Variants in ANKRD40 observed in about 807,000 individuals in gnomAD.
ANKRD40 encodes the protein ankyrin repeat domain-containing protein 40.
Under a neutral mutation model 35.5 loss-of-function variants are expected in ANKRD40, and 24 were observed. The ratio of observed to expected loss-of-function variants is 0.68; its 90% confidence interval spans 0.49 to 0.95. ANKRD40 has a LOEUF of 0.95. Ranked by LOEUF, ANKRD40 falls within the 40% of genes least tolerant of loss-of-function variation. The pLI, the probability that ANKRD40 is intolerant of heterozygous loss-of-function variation, is 0.00. For missense variants in ANKRD40, 361 were observed against 436.0 expected (o/e 0.83, Z 1.53); for synonymous variants, 147 against 173.5 (o/e 0.85, Z 1.20).
chr17:50,700,575 A>G lies in ANKRD40; in HGVS notation c.276T>C (p.Ile92=). 1 of 1,614,004 alleles carries G rather than the reference A, an allele frequency of 6.2e-7. No individual in the cohort carries two copies. Residue 92 remains isoleucine (I), a synonymous_variant, in exon 2 of 5, where the codon ATT becomes ATC. Coordinates refer to ENST00000285243, the MANE Select transcript of ANKRD40 (RefSeq NM_052855.4). ...QLTSRREIRK[I]MGVEEEDDDD... Reference sequence around the variant, plus strand: ...CCCCAAACACAGACTCACCTCCCATAATCTTCCTGATTTCTCTCCTTGATG... The same window carrying G: ...CCCCAAACACAGACTCACCTCCCATGATCTTCCTGATTTCTCTCCTTGATG...
intron 4 of ANKRD40, chr17:50,696,574 C>T (rs926299050): frequency 1.8e-5 from 4 of 218,366 alleles, no homozygotes; most frequent in South Asian, 1.3e-4. Context: ...CTACAGAAAC[C>T]GAAAATAGGA....
chr17:50,706,734 CAA>C (rs756189222), intron 1 of ANKRD40, among the ~76,000 whole-genome samples: 13 of 93,620 alleles, frequency 1.4e-4, no homozygotes, highest in Admixed American at 2.2e-4. Context: ...CCAAAAATAC[CAA>C]AAAAAAAAAA....
chr17:50,701,996 G>C (rs1968278087), intron 1 of ANKRD40, among the ~76,000 whole-genome samples: 1 of 152,194 alleles, frequency 6.6e-6, no homozygotes, highest in African/African-American at 2.4e-5. Flanking sequence ...ATGATGCAAT[G>C]ACAAAATTAT....
intron 3 of ANKRD40, among the ~76,000 whole-genome samples, chr17:50,698,432 G>A (rs1046146471): frequency 2.0e-5 from 3 of 152,120 alleles, no homozygotes; most frequent in African/African-American, 4.8e-5. Flanking sequence ...GAATGAAGGA[G>A]AAGGGAAAGC....
At chr17:50,706,903 C>CAAAAAAAAAAAAAAAAAAAAAAAAA (rs35024672) in intron 1 of ANKRD40, among the ~76,000 whole-genome samples, 5 of 37,968 alleles carry the variant, frequency 1.3e-4, no homozygotes, top group African/African-American at 3.4e-4. Context: ...GACCCTGTCT[C>CAAAAAAAAAAAAAAAAAAAAAAAAA]AAAAAAAAAA....
chr17:50,703,257 G>A (rs1036619244), intron 1 of ANKRD40, among the ~76,000 whole-genome samples: 2 of 152,184 alleles, frequency 1.3e-5, no homozygotes, highest in African/African-American at 4.8e-5. Context: ...TGCTTTACGT[G>A]TTGGACATTG....
intron 1 of ANKRD40, among the ~76,000 whole-genome samples, chr17:50,701,370 A>G (rs1282247372): frequency 6.6e-6 from 1 of 152,242 alleles, no homozygotes. Context: ...GGCACTGCAC[A>G]CATACTTTAA....
chr17:50,703,079 T>C (rs1307193705), intron 1 of ANKRD40, among the ~76,000 whole-genome samples: 2 of 152,244 alleles, frequency 1.3e-5, no homozygotes, highest in African/African-American at 4.8e-5. Context: ...AGGGCATCAC[T>C]CATTGGTGCT....
chr17:50,697,470 A>G (rs1453942515), intron 3 of ANKRD40, among the ~76,000 whole-genome samples: 2 of 152,236 alleles, frequency 1.3e-5, no homozygotes, highest in Non-Finnish European at 2.9e-5. Flanking sequence ...CAAACTATAC[A>G]TGAACAGGGG....
At chr17:50,704,116 G>C (rs1304998666) in intron 1 of ANKRD40, among the ~76,000 whole-genome samples, 1 of 151,982 alleles carries the variant, frequency 6.6e-6, no homozygotes, top group Non-Finnish European at 1.5e-5. Flanking sequence ...GAGAGGCTGA[G>C]GACTCAGAGG....
At chr17:50,705,555 C>T (rs1345151466) in intron 1 of ANKRD40, among the ~76,000 whole-genome samples, 1 of 152,014 alleles carries the variant, frequency 6.6e-6, no homozygotes, top group Non-Finnish European at 1.5e-5. Flanking sequence ...CACTATGTTG[C>T]CCAGGCTGGT....
chr17:50,699,247 A>T, intron 3 of ANKRD40, 152 bp downstream of exon 3: 1 of 1,074,958 alleles, frequency 9.3e-7, no homozygotes, highest in Non-Finnish European at 1.3e-6. Flanking sequence ...GCAAAAGGTA[A>T]ACAATTTGTG....
At chr17:50,697,752 C>G (rs959113088) in intron 3 of ANKRD40, among the ~76,000 whole-genome samples, 2 of 152,178 alleles carry the variant, frequency 1.3e-5, no homozygotes, top group African/African-American at 2.4e-5. Context: ...GCCAAGACAG[C>G]CTGAGTCAAG....
intron 1 of ANKRD40, among the ~76,000 whole-genome samples, chr17:50,705,781 A>T (rs1162384033): frequency 6.7e-6 from 1 of 150,150 alleles, no homozygotes; most frequent in East Asian, 2.0e-4. Flanking sequence ...CTGCTGCAGC[A>T]TCCCAAGTAG....
intron 1 of ANKRD40, among the ~76,000 whole-genome samples, chr17:50,705,712 G>A (rs1968327326): frequency 6.7e-6 from 1 of 149,370 alleles, no homozygotes. Flanking sequence ...CCAGCCTGGA[G>A]TGCAGTGGTG....
rs1053994120 is a variant in ANKRD40 at position 50,695,419 on chromosome 17, T to G, written c.*578A>C. Reference sequence around the variant, plus strand: ...TAGTTAACTGTATTCTTAAATACTTTTAACCTGAGTAACATTTATAAATAT... The same window carrying G: ...TAGTTAACTGTATTCTTAAATACTTGTAACCTGAGTAACATTTATAAATAT... On this transcript the variant is annotated 3_prime_UTR_variant, in exon 5 of 5. Transcript: ENST00000285243. The G allele has an allele frequency of 1.3e-5, 2 of 152,646 alleles. No homozygotes were observed. Among genetic ancestry groups the G allele is most frequent in the African/African-American group, 2.4e-5 (1 of 41,442 alleles). The allele number at this position is 152,646 out of a possible 1,614,324, so 9.5% of individuals were successfully genotyped here.
chr17:50,698,682 G>A (rs1402160580), intron 3 of ANKRD40, among the ~76,000 whole-genome samples: 6 of 152,100 alleles, frequency 3.9e-5, no homozygotes, highest in Non-Finnish European at 8.8e-5. Flanking sequence ...AGTACAGATA[G>A]TACTATTTCT....
Position 50,693,787 on chromosome 17 carries a change from A to C in ANKRD40, c.*2210T>G, listed in dbSNP as rs921767822. 6.6e-6 allele frequency: 1 copy of C among 152,218 alleles called. No homozygotes were observed. The highest frequency in any genetic ancestry group is 1.5e-5 in the Non-Finnish European group (1 of 68,040). 9.4% of individuals were successfully genotyped at this position (152,218 alleles called of 1,614,324 possible). A position where few individuals can be genotyped will look rare whatever the true frequency, so the allele number is the denominator to read the frequency against. On this transcript the variant is annotated 3_prime_UTR_variant, in exon 5 of 5. Coordinates refer to ENST00000285243, the MANE Select transcript of ANKRD40 (RefSeq NM_052855.4). ...TAAACTGTAACTGTTTTAGAAGTAA[A>C]GAAAAAAAAGGTTACTACATCTAGT...
chr17:50,695,872 G>T lies in ANKRD40; in HGVS notation c.*125C>A. ...TTCCTACCTTGGCAGAATGATGTTA[G>T]TATATACTATGCAGTGGCACCAGAG... is the stretch of plus-strand genomic sequence containing the variant. On this transcript the variant is annotated 3_prime_UTR_variant, in exon 5 of 5. Coordinates refer to ENST00000285243, the MANE Select transcript of ANKRD40 (RefSeq NM_052855.4). 8.5e-7 allele frequency: 1 copy of T among 1,178,968 alleles called. No individual in the cohort carries two copies. The highest frequency in any genetic ancestry group is 1.2e-6 in the Non-Finnish European group (1 of 836,822). 73.0% of individuals were successfully genotyped at this position (1,178,968 alleles called of 1,614,324 possible).
Sources: gnomAD v4.1 joint callset for allele counts (sites outside exome capture counted in the v4.1 genomes callset) on GRCh38, gnomAD v4.1.1 for gene constraint, MANE v1.5 for transcripts, NCBI Gene and HGNC (gene_info 2026-07-23, HGNC 2026-07-21) for gene names.